TUBGCP5: variants seen among roughly 807,000 people sequenced by gnomAD.
TUBGCP5 encodes gamma-tubulin complex component 5.
In TUBGCP5, 98 loss-of-function variants were observed where a neutral mutation model predicts 134.7. That is an observed-to-expected ratio of 0.73 (90% confidence interval 0.62 to 0.86). The LOEUF (loss-of-function observed/expected upper bound fraction) is 0.86. Ranked by LOEUF, TUBGCP5 falls within the 40% of genes least tolerant of loss-of-function variation. The pLI, the probability that TUBGCP5 is intolerant of heterozygous loss-of-function variation, is 0.00. For missense variants in TUBGCP5, 1,150 were observed against 1,244.8 expected, an observed-to-expected ratio of 0.92 and a Z score of 1.15; for synonymous variants, 456 against 431.4, an observed-to-expected ratio of 1.06 and a Z score of -0.71.
intron 23 of TUBGCP5, among the ~76,000 whole-genome samples, chr15:22,987,895 CAAAAAAAAAA>C (rs869168765): frequency 1.2e-3 from 24 of 20,468 alleles, no homozygotes; most frequent in Non-Finnish European, 1.7e-3. Context: ...GACTCCATCT[CAAAAAAAAAA>C]AAAAAAAAAA....
intron 5 of TUBGCP5, 39 bp from the exon 6 acceptor site, chr15:23,031,059 A>G (rs1347846061): frequency 8.3e-6 from 13 of 1,560,120 alleles, no homozygotes; most frequent in Admixed American, 2.1e-5. Flanking sequence ...TTTACAGAGT[A>G]TAACACTTAA....
chr15:23,021,337 T>TA (rs1430492860), intron 11 of TUBGCP5, among the ~76,000 whole-genome samples: 3 of 152,056 alleles, frequency 2.0e-5, no homozygotes, highest in Non-Finnish European at 4.4e-5. Flanking sequence ...CTGTATATTT[T>TA]AAAAAATTTT....
chr15:23,000,815 G>A (rs962926337), intron 21 of TUBGCP5, 146 bp from the exon 22 acceptor site: 2 of 610,106 alleles, frequency 3.3e-6, no homozygotes, highest in East Asian at 2.9e-5. Context: ...AACACATAAC[G>A]TCCTACCCTA....
At chr15:23,024,277 C>A (rs2065875077) in intron 9 of TUBGCP5, 84 bp from the exon 10 acceptor site, 1 of 1,494,332 alleles carries the variant, frequency 6.7e-7, no homozygotes, top group East Asian at 2.3e-5. Flanking sequence ...TAAAATACTT[C>A]TTTTGCAATT....
intron 8 of TUBGCP5, 148 bp from the exon 9 acceptor site, chr15:23,024,978 T>C (rs2065909360): frequency 1.7e-6 from 1 of 572,670 alleles, no homozygotes. Flanking sequence ...CACAGCTCAC[T>C]GGAGCCACAA....
At chr15:23,039,257 A>C in intron 1 of TUBGCP5, 141 bp downstream of exon 1, 1 of 971,834 alleles carries the variant, frequency 1.0e-6, no homozygotes, top group Non-Finnish European at 1.3e-6. Flanking sequence ...AGGCGGTGGC[A>C]GGGCCTGCGA....
intron 23 of TUBGCP5, among the ~76,000 whole-genome samples, chr15:22,984,618 T>A (rs527384426): frequency 1.1e-4 from 17 of 150,012 alleles, no homozygotes; most frequent in African/African-American, 3.7e-4. Context: ...GACTCCGTGT[T>A]AAAAAAAAAA....
Position 23,005,325 on chromosome 15 carries a change from TCA to T in TUBGCP5, c.2712+105_2712+106del, listed in dbSNP as rs2064637729. 1.1e-5 allele frequency: 15 copies of T among 1,335,210 alleles called. No homozygotes were observed. In the South Asian group the frequency reaches 2.2e-4, roughly 20 times the overall value. The allele number at this position is 1,335,210 out of a possible 1,614,324, so 82.7% of individuals were successfully genotyped here. ...ATCAAATTTGCTACATGTCCCGTTT[TCA>T]CAGTCTGTAGGTATTTTTTACTTAT... is the stretch of plus-strand genomic sequence containing the variant. On this transcript the variant is annotated intron_variant, in intron 19 of 22. Transcript: ENST00000615383.
chr15:23,008,349 C>T, intron 16 of TUBGCP5: 1 of 308,554 alleles, frequency 3.2e-6, no homozygotes, highest in South Asian at 2.8e-5. Context: ...TCACTGCAAC[C>T]TCTGCCTCCC....
intron 23 of TUBGCP5, among the ~76,000 whole-genome samples, chr15:22,993,708 C>G (rs988086564): frequency 6.6e-6 from 1 of 151,622 alleles, no homozygotes; most frequent in Non-Finnish European, 1.5e-5. Flanking sequence ...CCATGCCCAG[C>G]TAGTTCTTGT....
intron 1 of TUBGCP5, among the ~76,000 whole-genome samples, chr15:23,039,010 T>C (rs937896177): frequency 1.3e-5 from 2 of 150,670 alleles, no homozygotes; most frequent in Non-Finnish European, 3.0e-5. Context: ...CAGGAGTCAG[T>C]GAGAATACAA....
chr15:23,028,101 A>C (rs2066086970), intron 6 of TUBGCP5, among the ~76,000 whole-genome samples: 1 of 152,146 alleles, frequency 6.6e-6, no homozygotes, highest in Non-Finnish European at 1.5e-5. Flanking sequence ...TAATTCATCA[A>C]AGAATAAAGA....
chr15:23,005,927 GATCAAC>G (rs1306528258), intron 18 of TUBGCP5, 119 bp downstream of exon 18: 1 of 1,069,674 alleles, frequency 9.3e-7, no homozygotes, highest in African/African-American at 1.9e-5. Context: ...CATAAAAAAT[GATCAAC>G]AACCACCAAC....
chr15:23,004,223 A>G lies in TUBGCP5; in HGVS notation c.2717T>C (p.Leu906Pro). ...SLHNYIMTRILHSTGLEFQHQ... is the reference protein window; with the variant it reads ...SLHNYIMTRIPHSTGLEFQHQ... ...TTGAAACTCCAGCCCTGTACTGTGTAGAATCTTGGAAGAGAAAGATAAAAA... is the reference window on the plus strand; with the variant it reads ...TTGAAACTCCAGCCCTGTACTGTGTGGAATCTTGGAAGAGAAAGATAAAAA... Residue 906 changes from leucine (L) to proline (P), a missense_variant, in exon 20 of 23, where the codon CTA (leucine) becomes CCA (proline). Coordinates refer to ENST00000615383, the MANE Select transcript of TUBGCP5 (RefSeq NM_052903.6). 1.2e-6 allele frequency: 2 copies of G among 1,606,108 alleles called. No homozygotes were observed. Among genetic ancestry groups the G allele is most frequent in the East Asian group, 2.2e-5 (1 of 44,728 alleles).
chr15:23,039,089 TC>T (rs2066763220), intron 1 of TUBGCP5, among the ~76,000 whole-genome samples: 3 of 150,400 alleles, frequency 2.0e-5, no homozygotes, highest in Non-Finnish European at 4.4e-5. Flanking sequence ...TGGCCTGGAG[TC>T]CCGCCTGGGC....
At chr15:23,039,032 TA>T (rs201611842) in intron 1 of TUBGCP5, among the ~76,000 whole-genome samples, 54,205 of 147,256 alleles carry the variant, frequency 0.37, 9,827 homozygotes, top group East Asian at 0.52. Context: ...CTCTTTAATT[TA>T]AAAAAAAAAA....
chr15:23,001,653 CTTTT>C (rs59087813), intron 21 of TUBGCP5, among the ~76,000 whole-genome samples: 1 of 142,684 alleles, frequency 7.0e-6, no homozygotes, highest in Non-Finnish European at 1.5e-5. Flanking sequence ...TTCTTTCTTT[CTTTT>C]TTTTTTTTTT....
Position 23,021,950 on chromosome 15 carries a change from C to G in TUBGCP5, c.1371+9G>C, listed in dbSNP as rs1194179703. On this transcript the variant is annotated intron_variant, in intron 11 of 22. Coordinates refer to ENST00000615383, the MANE Select transcript of TUBGCP5 (RefSeq NM_052903.6). ...GGAGTCACACACTTTAGGCAGAAGTCTCACTTACGGTTTGCTCAGAGGCTT... is the reference window on the plus strand; with the variant it reads ...GGAGTCACACACTTTAGGCAGAAGTGTCACTTACGGTTTGCTCAGAGGCTT... 1 of 1,613,782 alleles carries G rather than the reference C, an allele frequency of 6.2e-7. No individual in the cohort carries two copies. Among genetic ancestry groups the G allele is most frequent in the African/African-American group, 1.3e-5 (1 of 74,928 alleles).
At chr15:23,001,169 A>C (rs1452411777) in intron 21 of TUBGCP5, among the ~76,000 whole-genome samples, 1 of 151,894 alleles carries the variant, frequency 6.6e-6, no homozygotes, top group South Asian at 2.1e-4. Flanking sequence ...CAGCCTCCTG[A>C]GTAGCTGGGA....
Sources: allele counts gnomAD v4.1 joint callset (sites outside exome capture counted in the v4.1 genomes callset), GRCh38; gene constraint gnomAD v4.1.1; transcripts MANE v1.5; gene names NCBI Gene and HGNC (gene_info 2026-07-23, HGNC 2026-07-21).